Variants in CACNA2D3 observed in about 807,000 individuals in gnomAD.
The protein encoded by CACNA2D3 is voltage-dependent calcium channel subunit alpha-2/delta-3.
In CACNA2D3, 60 loss-of-function variants were observed where a neutral mutation model predicts 160.6. The observed-to-expected ratio is 0.37, with a 90% CI of 0.30 to 0.46. The LOEUF (loss-of-function observed/expected upper bound fraction) is 0.46. Among genes scored for constraint, CACNA2D3 ranks in the 20% least tolerant of loss-of-function variants. CACNA2D3 has a pLI of 1.00. For missense variants in CACNA2D3, 1,205 were observed against 1,365.0 expected, an observed-to-expected ratio of 0.88 and a Z score of 1.85; for synonymous variants, 558 against 492.9, an observed-to-expected ratio of 1.13 and a Z score of -1.75.
chr3:54,793,220 T>A (rs1702797394), intron 13 of CACNA2D3, among the ~76,000 whole-genome samples: 1 of 152,224 alleles, frequency 6.6e-6, no homozygotes, highest in African/African-American at 2.4e-5. Flanking sequence ...AGTGAATAAA[T>A]TATATTTTTT....
chr3:54,649,230 G>A (rs1344545931), intron 11 of CACNA2D3, among the ~76,000 whole-genome samples: 2 of 152,166 alleles, frequency 1.3e-5, no homozygotes, highest in Non-Finnish European at 2.9e-5. Context: ...TTGCTTAGAG[G>A]TAGAGTAGGC....
intron 11 of CACNA2D3, among the ~76,000 whole-genome samples, chr3:54,685,730 A>G (rs972785606): frequency 6.6e-6 from 1 of 152,238 alleles, no homozygotes; most frequent in African/African-American, 2.4e-5. Context: ...ATTAGTACAG[A>G]CAACTGCAGG....
intron 3 of CACNA2D3, among the ~76,000 whole-genome samples, chr3:54,356,316 G>A (rs182889518): frequency 5.9e-5 from 9 of 152,280 alleles, no homozygotes; most frequent in African/African-American, 9.6e-5. Flanking sequence ...GAAACTCATC[G>A]TTGTTGTGTT....
chr3:54,632,306 A>T (rs549409753), intron 10 of CACNA2D3: 2 of 151,978 alleles, frequency 1.3e-5, no homozygotes, highest in Admixed American at 1.3e-4. Flanking sequence ...CTTTCTTTCC[A>T]TGTGTTTGGG....
At chr3:54,665,981 G>T (rs573627301) in intron 11 of CACNA2D3, among the ~76,000 whole-genome samples, 2 of 152,108 alleles carry the variant, frequency 1.3e-5, no homozygotes, top group South Asian at 4.2e-4. Flanking sequence ...TTTTTGTAGG[G>T]ATGGAGTCTC....
intron 35 of CACNA2D3, among the ~76,000 whole-genome samples, chr3:55,051,378 G>A (rs942228573): frequency 7.3e-6 from 1 of 136,364 alleles, no homozygotes; most frequent in Non-Finnish European, 1.5e-5. Flanking sequence ...AGGTGTCAGT[G>A]TGCCCCTGCT....
intron 2 of CACNA2D3, among the ~76,000 whole-genome samples, chr3:54,185,608 C>T (rs1348049728): frequency 6.6e-6 from 1 of 152,158 alleles, no homozygotes; most frequent in East Asian, 1.9e-4. Flanking sequence ...AGGATCAACA[C>T]ATTTTTTCTT....
intron 4 of CACNA2D3, among the ~76,000 whole-genome samples, chr3:54,406,099 A>G (rs1163502556): frequency 6.6e-6 from 1 of 152,128 alleles, no homozygotes; most frequent in African/African-American, 2.4e-5. Flanking sequence ...GTCAGTGGGA[A>G]TATAGATTGG....
chr3:54,198,114 C>G (rs986596212), intron 2 of CACNA2D3, among the ~76,000 whole-genome samples: 1 of 152,222 alleles, frequency 6.6e-6, no homozygotes, highest in African/African-American at 2.4e-5. Context: ...CTTAAAAGAT[C>G]TAAAAGGCTG....
Position 54,454,664 on chromosome 3 carries a change from A to G in CACNA2D3, c.382-48828A>G, listed in dbSNP as rs145925909. Among the ~76,000 whole-genome samples, 191 of 152,212 alleles carry G rather than the reference A, an allele frequency of 1.3e-3. 1 individual carries two copies. Among genetic ancestry groups the G allele is most frequent in the African/African-American group, 4.1e-3 (172 of 41,542 alleles). On this transcript the variant is annotated intron_variant, in intron 4 of 37. Transcript: ENST00000474759. ...ATATACAATAAATTGTTAGTTATAGACACCCTACAGTGCTATGAAACATTA... is the reference window on the plus strand; with the variant it reads ...ATATACAATAAATTGTTAGTTATAGGCACCCTACAGTGCTATGAAACATTA...
chr3:54,963,355 CT>C (rs1702075552), intron 27 of CACNA2D3, among the ~76,000 whole-genome samples: 1 of 152,086 alleles, frequency 6.6e-6, no homozygotes, highest in Non-Finnish European at 1.5e-5. Flanking sequence ...TCTATGGTTC[CT>C]TCTGGGATCA....
intron 2 of CACNA2D3, among the ~76,000 whole-genome samples, chr3:54,140,440 C>T (rs919807465): frequency 3.3e-5 from 5 of 152,234 alleles, no homozygotes; most frequent in African/African-American, 4.8e-5. Context: ...CTCTTCCACT[C>T]GCCCCACTTT....
intron 4 of CACNA2D3, among the ~76,000 whole-genome samples, chr3:54,500,831 T>C (rs1205478493): frequency 6.6e-6 from 1 of 152,194 alleles, no homozygotes; most frequent in Non-Finnish European, 1.5e-5. Context: ...ATCTTATAAC[T>C]GAGTGTCTTG....
intron 3 of CACNA2D3, among the ~76,000 whole-genome samples, chr3:54,368,342 AGTT>A (rs756484275): frequency 1.3e-5 from 2 of 152,132 alleles, no homozygotes; most frequent in Non-Finnish European, 2.9e-5. Flanking sequence ...AACAAATAGT[AGTT>A]ATTTGATTAC....
chr3:54,581,973 C>G, intron 9 of CACNA2D3, 96 bp downstream of exon 9: 1 of 1,001,624 alleles, frequency 1.0e-6, no homozygotes, highest in Non-Finnish European at 1.5e-6. Context: ...AAATGCACTG[C>G]CCTTTCATTG....
chr3:54,166,202 T>C (rs1700451901), intron 2 of CACNA2D3, among the ~76,000 whole-genome samples: 1 of 152,214 alleles, frequency 6.6e-6, no homozygotes, highest in South Asian at 2.1e-4. Context: ...AATCCAAGGT[T>C]GGAGATGTAA....
At chr3:54,851,372 A>G (rs1041882726) in intron 17 of CACNA2D3, among the ~76,000 whole-genome samples, 1 of 152,174 alleles carries the variant, frequency 6.6e-6, no homozygotes, top group Non-Finnish European at 1.5e-5. Flanking sequence ...CTTCTCTAAG[A>G]TGAAGGTAAA....
At chr3:54,541,121 C>CA (rs1394764524) in intron 5 of CACNA2D3, among the ~76,000 whole-genome samples, 3 of 151,280 alleles carry the variant, frequency 2.0e-5, no homozygotes, top group African/African-American at 4.9e-5. Flanking sequence ...ACTAAAAATA[C>CA]AAAAAATTAG....
chr3:54,372,787 A>G (rs904414980), intron 3 of CACNA2D3, among the ~76,000 whole-genome samples: 2 of 152,214 alleles, frequency 1.3e-5, no homozygotes, highest in Non-Finnish European at 2.9e-5. Context: ...TTACCTGGGC[A>G]TTAAAAACGG....
Sources: gnomAD v4.1 joint callset for allele counts (sites outside exome capture counted in the v4.1 genomes callset) on GRCh38, gnomAD v4.1.1 for gene constraint, MANE v1.5 for transcripts, NCBI Gene and HGNC (gene_info 2026-07-23, HGNC 2026-07-21) for gene names.